The following UNC13C variants were observed in gnomAD, a reference collection of about 807,000 sequenced individuals.
The protein encoded by UNC13C is protein unc-13 homolog C.
UNC13C carries 174 observed loss-of-function variants against 245.4 expected under a neutral mutation model. The ratio of observed to expected loss-of-function variants is 0.71; its 90% CI spans 0.63 to 0.80. The LOEUF (loss-of-function observed/expected upper bound fraction) is 0.80, where lower values mean the gene tolerates loss of function less well. UNC13C is among the 30% of genes least tolerant of loss of function. The pLI is 0.00. For synonymous variants in UNC13C, 992 were observed against 895.1 expected (o/e 1.11, Z -1.93); for missense variants, 2,829 against 2,602.9 (o/e 1.09, Z -1.89).
chr15:54,454,703 G>T (rs1438402826), intron 19 of UNC13C, among the ~76,000 whole-genome samples: 1 of 151,742 alleles, frequency 6.6e-6, no homozygotes, highest in Non-Finnish European at 1.5e-5. Flanking sequence ...TTTGTGCATG[G>T]CCTTTTGTGT....
chr15:54,193,278 G>T (rs1346249184), intron 4 of UNC13C, among the ~76,000 whole-genome samples: 1 of 152,008 alleles, frequency 6.6e-6, no homozygotes, highest in African/African-American at 2.4e-5. Flanking sequence ...AATTACTACT[G>T]GTCACTTATG....
chr15:54,205,955 A>G (rs1477783286), intron 4 of UNC13C, among the ~76,000 whole-genome samples: 1 of 152,040 alleles, frequency 6.6e-6, no homozygotes, highest in Non-Finnish European at 1.5e-5. Context: ...CTAAGCACAC[A>G]TTTCTCTAGC....
At chr15:53,839,631 T>C in the UNC13C span, among the ~76,000 whole-genome samples, 55 of 152,254 alleles carry the variant, frequency 3.6e-4, no homozygotes, top group Middle Eastern at 3.4e-3. Context: ...CTCTGTTTTT[T>C]AACCTGTTAT....
At chr15:53,876,684 C>G in the UNC13C span, among the ~76,000 whole-genome samples, 1 of 151,790 alleles carries the variant, frequency 6.6e-6, no homozygotes, top group Admixed American at 6.6e-5. Context: ...TTTATTTTTT[C>G]AAAATGAGGG....
chr15:54,110,793 C>T (rs956920908), intron 2 of UNC13C, among the ~76,000 whole-genome samples: 2 of 152,072 alleles, frequency 1.3e-5, no homozygotes, highest in Non-Finnish European at 2.9e-5. Flanking sequence ...AACTGATTGG[C>T]CTCATAAGTG....
At chr15:54,578,438 G>T (rs535761446) in intron 30 of UNC13C, among the ~76,000 whole-genome samples, 7 of 152,244 alleles carry the variant, frequency 4.6e-5, no homozygotes, top group Admixed American at 1.3e-4. Context: ...AGGTTATGCT[G>T]AATATCAGTG....
At chr15:54,036,738 C>T (rs1242642696) in intron 2 of UNC13C, among the ~76,000 whole-genome samples, 1 of 152,144 alleles carries the variant, frequency 6.6e-6, no homozygotes, top group East Asian at 1.9e-4. Context: ...ATCTGTCATT[C>T]CTGTAATGGA....
chr15:54,165,318 A>G (rs1477903293), intron 4 of UNC13C, among the ~76,000 whole-genome samples: 3 of 152,202 alleles, frequency 2.0e-5, no homozygotes, highest in Non-Finnish European at 2.9e-5. Flanking sequence ...TATATATTTC[A>G]ATAAATTCTG....
chr15:54,050,526 T>G, intron 2 of UNC13C: 2 of 486,672 alleles, frequency 4.1e-6, no homozygotes, highest in Non-Finnish European at 8.3e-6. Context: ...CTAATGCTGT[T>G]GCTTCATCAT....
At chr15:53,842,166 C>T in the UNC13C span, among the ~76,000 whole-genome samples, 1 of 152,072 alleles carries the variant, frequency 6.6e-6, no homozygotes, top group African/African-American at 2.4e-5. Context: ...GGAAGCCTCA[C>T]ATAGTGAAAA....
chr15:53,952,707 G>A, the UNC13C span, among the ~76,000 whole-genome samples: 1 of 152,276 alleles, frequency 6.6e-6, no homozygotes, highest in African/African-American at 2.4e-5. Flanking sequence ...CGCTGTGCTG[G>A]CACTTGATTG....
At position 54,500,988 on chromosome 15, in the gene UNC13C, A is replaced by G; in HGVS notation, c.5301+10A>G. 1 of 1,610,764 alleles carries G rather than the reference A, an allele frequency of 6.2e-7. No homozygotes were observed. The highest frequency in any genetic ancestry group is 8.5e-7 in the Non-Finnish European group (1 of 1,178,150). On this transcript the variant is annotated intron_variant, in intron 22 of 32. Coordinates refer to ENST00000260323, the MANE Select transcript of UNC13C (RefSeq NM_001080534.3). ...GAGAAGATTTGCAAAGGTAGGTTAA[A>G]TAAAATGAGTCTTCTTTTTCTCTGG...
intron 19 of UNC13C, among the ~76,000 whole-genome samples, chr15:54,460,243 C>A (rs1030025951): frequency 2.0e-5 from 3 of 152,204 alleles, no homozygotes; most frequent in African/African-American, 7.2e-5. Flanking sequence ...GTGATGTGAT[C>A]CATCTTCATG....
At chr15:54,052,880 A>G (rs981590259) in intron 2 of UNC13C, among the ~76,000 whole-genome samples, 1 of 152,254 alleles carries the variant, frequency 6.6e-6, no homozygotes, top group African/African-American at 2.4e-5. Context: ...TGTGGTTACT[A>G]TCCAGCTAAA....
intron 2 of UNC13C, among the ~76,000 whole-genome samples, chr15:54,121,877 A>T (rs762864936): frequency 3.9e-5 from 6 of 151,998 alleles, no homozygotes; most frequent in Middle Eastern, 3.2e-3. Flanking sequence ...GATTTATCTT[A>T]TGGACATAAT....
intron 19 of UNC13C, among the ~76,000 whole-genome samples, chr15:54,474,744 G>A (rs1293424309): frequency 6.6e-6 from 1 of 151,818 alleles, no homozygotes; most frequent in Non-Finnish European, 1.5e-5. Flanking sequence ...CTGAGGCTGG[G>A]TAATTTATGT....
intron 15 of UNC13C, among the ~76,000 whole-genome samples, chr15:54,333,038 C>G (rs1470140184): frequency 6.6e-6 from 1 of 151,940 alleles, no homozygotes; most frequent in East Asian, 1.9e-4. Context: ...CCACCTCATT[C>G]ACCACCTCAT....
intron 1 of UNC13C, among the ~76,000 whole-genome samples, chr15:54,007,133 C>T (rs1895175146): frequency 2.0e-5 from 3 of 152,180 alleles, no homozygotes. Context: ...AATTATAGGG[C>T]ATTTACTGAT....
chr15:53,927,879 A>G, the UNC13C span, among the ~76,000 whole-genome samples: 2 of 152,230 alleles, frequency 1.3e-5, no homozygotes, highest in African/African-American at 4.8e-5. Flanking sequence ...TGTCTCTAAG[A>G]GTAGAAGAAT....
Sources: gnomAD v4.1 joint callset for allele counts (sites outside exome capture counted in the v4.1 genomes callset) on GRCh38, gnomAD v4.1.1 for gene constraint, MANE v1.5 for transcripts, NCBI Gene and HGNC (gene_info 2026-07-23, HGNC 2026-07-21) for gene names.